Variants in CSMD3 observed in about 807,000 individuals in gnomAD.
CSMD3 encodes CUB and Sushi multiple domains 3, also known as CUB and sushi domain-containing protein 3.
Under a neutral mutation model 435.2 loss-of-function variants are expected in CSMD3, and 177 were observed. The ratio of observed to expected loss-of-function variants is 0.41; its 90% confidence interval spans 0.36 to 0.46. The LOEUF (loss-of-function observed/expected upper bound fraction) is 0.46. CSMD3 is among the 20% of genes least tolerant of loss of function. The pLI, the probability that CSMD3 is intolerant of heterozygous loss-of-function variation, is 0.34. For synonymous variants in CSMD3, 1,656 were observed against 1,520.5 expected (o/e 1.09, Z -2.07); for missense variants, 4,265 against 4,504.6 (o/e 0.95, Z 1.52).
intron 9 of CSMD3, among the ~76,000 whole-genome samples, chr8:112,935,565 A>G (rs1051103434): frequency 6.6e-6 from 1 of 151,934 alleles, no homozygotes; most frequent in Non-Finnish European, 1.5e-5. Context: ...AGTTTCTTTC[A>G]TCAATATTTT....
intron 1 of CSMD3, among the ~76,000 whole-genome samples, chr8:113,332,317 A>T (rs1173693024): frequency 6.6e-6 from 1 of 151,620 alleles, no homozygotes; most frequent in East Asian, 1.9e-4. Flanking sequence ...AAAAAAAAAA[A>T]AAAAAGATAT....
intron 1 of CSMD3, among the ~76,000 whole-genome samples, chr8:113,432,063 A>G (rs1233993065): frequency 6.6e-6 from 1 of 152,214 alleles, no homozygotes; most frequent in African/African-American, 2.4e-5. Flanking sequence ...AGCTGGCATC[A>G]GGTTTTCAAG....
intron 3 of CSMD3, among the ~76,000 whole-genome samples, chr8:113,197,986 T>C (rs1384074064): frequency 1.3e-5 from 2 of 151,382 alleles, no homozygotes; most frequent in Non-Finnish European, 3.0e-5. Flanking sequence ...TTTATAAATG[T>C]AGTTGTTCCT....
At chr8:112,745,345 G>A (rs1307212907) in intron 13 of CSMD3, among the ~76,000 whole-genome samples, 1 of 151,842 alleles carries the variant, frequency 6.6e-6, no homozygotes, top group African/African-American at 2.4e-5. Flanking sequence ...AGAAAAAATA[G>A]TTTCTACTAT....
At chr8:112,541,657 G>A (rs1414025182) in intron 27 of CSMD3, among the ~76,000 whole-genome samples, 2 of 151,806 alleles carry the variant, frequency 1.3e-5, no homozygotes, top group Non-Finnish European at 2.9e-5. Context: ...CTTCACTGGT[G>A]AATTCTACCA....
chr8:113,224,289 A>G (rs998052441), intron 3 of CSMD3, among the ~76,000 whole-genome samples: 2 of 151,166 alleles, frequency 1.3e-5, no homozygotes, highest in African/African-American at 4.8e-5. Context: ...CATTACTGAA[A>G]CTGGTCCTCC....
intron 28 of CSMD3, among the ~76,000 whole-genome samples, chr8:112,507,997 G>T (rs62516491): frequency 6.6e-6 from 1 of 151,942 alleles, no homozygotes; most frequent in South Asian, 2.1e-4. Flanking sequence ...AAACTGCTTC[G>T]ATGTTCTGTA....
chr8:112,801,363 A>G (rs898815709), intron 12 of CSMD3, among the ~76,000 whole-genome samples: 3 of 152,020 alleles, frequency 2.0e-5, no homozygotes, highest in Non-Finnish European at 4.4e-5. Flanking sequence ...TATTAAAACA[A>G]ACCTCATTTG....
intron 10 of CSMD3, among the ~76,000 whole-genome samples, chr8:112,878,989 A>G (rs1165745321): frequency 1.4e-4 from 22 of 152,148 alleles, no homozygotes; most frequent in Non-Finnish European, 7.3e-5. Context: ...CAAATTGTTC[A>G]TAAAGCATGT....
intron 40 of CSMD3, 114 bp from the exon 41 acceptor site, chr8:112,346,327 A>G: frequency 1.4e-6 from 1 of 735,580 alleles, no homozygotes; most frequent in Non-Finnish European, 2.5e-6. Flanking sequence ...ACTGATATAA[A>G]TTTGAATATT....
intron 35 of CSMD3, among the ~76,000 whole-genome samples, chr8:112,400,729 C>A (rs1486787696): frequency 6.6e-6 from 1 of 152,122 alleles, no homozygotes; most frequent in Non-Finnish European, 1.5e-5. Flanking sequence ...AGCTACTGTA[C>A]TTGCTAAGAT....
At chr8:112,262,742 C>A (rs1816539826) in intron 61 of CSMD3, among the ~76,000 whole-genome samples, 1 of 151,932 alleles carries the variant, frequency 6.6e-6, no homozygotes, top group Non-Finnish European at 1.5e-5. Context: ...GTAAGAAGGC[C>A]TGTGTTTCTG....
chr8:112,353,499 A>C lies in CSMD3; in HGVS notation c.6137-965T>G, dbSNP rs557886836. On this transcript the variant is annotated intron_variant, in intron 38 of 70. Coordinates refer to ENST00000297405, the MANE Select transcript of CSMD3 (RefSeq NM_198123.2). Reference sequence around the variant, plus strand: ...GATAAGGAGATAACAATGTAATTCAAAACACTTTCATTATTTTTATTAGGT... The same window carrying C: ...GATAAGGAGATAACAATGTAATTCACAACACTTTCATTATTTTTATTAGGT... 2.6e-5 allele frequency among the ~76,000 whole-genome samples: 4 copies of C among 152,334 alleles called. No individual in the cohort carries two copies. In the South Asian group the frequency reaches 8.3e-4, roughly 32 times the overall value.
chr8:112,810,389 T>C (rs199703916), intron 12 of CSMD3, among the ~76,000 whole-genome samples: 1 of 109,154 alleles, frequency 9.2e-6, no homozygotes, highest in South Asian at 3.1e-4. Flanking sequence ...AACAGACAAA[T>C]CTGACGTTTA....
At chr8:112,568,739 T>C (rs1316720213) in intron 24 of CSMD3, among the ~76,000 whole-genome samples, 1 of 152,144 alleles carries the variant, frequency 6.6e-6, no homozygotes, top group Non-Finnish European at 1.5e-5. Context: ...ATATTAATCA[T>C]GAGTCAGCCA....
chr8:112,875,036 G>A (rs572536627), intron 10 of CSMD3, among the ~76,000 whole-genome samples: 6 of 152,138 alleles, frequency 3.9e-5, no homozygotes, highest in Non-Finnish European at 8.8e-5. Flanking sequence ...AGTTTGGTAT[G>A]TTTTTGCAGT....
intron 10 of CSMD3, among the ~76,000 whole-genome samples, chr8:112,900,305 T>C (rs111739709): frequency 0.034 from 5,210 of 151,384 alleles, 109 homozygotes; most frequent in Non-Finnish European, 0.042. Context: ...AATGTTTGTA[T>C]AGAAAACATC....
chr8:112,441,880 A>C (rs1815062781), intron 32 of CSMD3, among the ~76,000 whole-genome samples: 1 of 152,208 alleles, frequency 6.6e-6, no homozygotes, highest in African/African-American at 2.4e-5. Context: ...AATTCAGATT[A>C]CAATTCAAGA....
At chr8:113,118,529 G>A (rs553203156) in intron 4 of CSMD3, among the ~76,000 whole-genome samples, 4 of 152,206 alleles carry the variant, frequency 2.6e-5, no homozygotes, top group South Asian at 2.1e-4. Context: ...GGGCATGGTG[G>A]CTAACATCTG....
Sources: allele counts gnomAD v4.1 joint callset (sites outside exome capture counted in the v4.1 genomes callset), GRCh38; gene constraint gnomAD v4.1.1; transcripts MANE v1.5; gene names NCBI Gene and HGNC (gene_info 2026-07-23, HGNC 2026-07-21).